Variants in FBN2 observed in about 807,000 individuals in gnomAD.
FBN2 encodes fibrillin 2.
FBN2 carries 105 observed loss-of-function variants against 355.6 expected under a neutral mutation model. The observed-to-expected ratio is 0.30, with a 90% CI of 0.25 to 0.35. FBN2 has a LOEUF of 0.35. FBN2 is among the 10% of genes least tolerant of loss of function. FBN2 has a pLI of 1.00. For synonymous variants in FBN2, 1,350 were observed against 1,301.2 expected (o/e 1.04, Z -0.81); for missense variants, 3,280 against 3,758.7 (o/e 0.87, Z 3.33).
intron 5 of FBN2, among the ~76,000 whole-genome samples, chr5:128,514,287 T>C (rs1173961744): frequency 6.6e-6 from 1 of 152,210 alleles, no homozygotes; most frequent in Non-Finnish European, 1.5e-5. Context: ...TTTCCCACTG[T>C]AGTAAGCTAT....
intron 6 of FBN2, among the ~76,000 whole-genome samples, 176 bp from the exon 7 acceptor site, chr5:128,446,782 G>A (rs1033140284): frequency 6.6e-6 from 1 of 152,110 alleles, no homozygotes. Flanking sequence ...TATGTAAATG[G>A]TATCATGTTA....
intron 4 of FBN2, among the ~76,000 whole-genome samples, chr5:128,526,621 A>C (rs1756569358): frequency 6.6e-6 from 1 of 152,192 alleles, no homozygotes; most frequent in South Asian, 2.1e-4. Flanking sequence ...TAAGTATAAC[A>C]AACCAGTCAC....
In FBN2 at chr5:128,470,675, A is replaced by G. The variant is rs1410487215; in HGVS notation, c.629-5754T>C. On this transcript the variant is annotated intron_variant, in intron 5 of 64. Coordinates refer to ENST00000262464, the MANE Select transcript of FBN2 (RefSeq NM_001999.4). ...GTAAGAAAAGGACTGCTAGATTAAGAAATGAAAGAAAGCAGTGAGATCAAT... is the reference window on the plus strand; with the variant it reads ...GTAAGAAAAGGACTGCTAGATTAAGGAATGAAAGAAAGCAGTGAGATCAAT... Among the ~76,000 whole-genome samples the G allele has an allele frequency of 5.3e-5, 8 of 152,330 alleles. No individual in the cohort carries two copies. In the East Asian group the frequency reaches 1.5e-3, roughly 29 times the overall value.
At chr5:128,323,153 T>C (rs1043734087) in intron 34 of FBN2, among the ~76,000 whole-genome samples, 3 of 152,234 alleles carry the variant, frequency 2.0e-5, no homozygotes, top group East Asian at 3.8e-4. Context: ...TTAGGAGATT[T>C]TGGGCCGAGA....
chr5:128,373,625 T>C (rs1752004755), intron 15 of FBN2, among the ~76,000 whole-genome samples: 1 of 152,210 alleles, frequency 6.6e-6, no homozygotes, highest in African/African-American at 2.4e-5. Context: ...GGGTATACAA[T>C]GGCTAATTCA....
intron 5 of FBN2, among the ~76,000 whole-genome samples, chr5:128,482,578 A>G (rs1244338974): frequency 6.6e-6 from 1 of 152,092 alleles, no homozygotes; most frequent in Non-Finnish European, 1.5e-5. Context: ...TGTGGGTAGG[A>G]GGTGGAGTTT....
chr5:128,460,228 T>A (rs1377961038), intron 6 of FBN2, among the ~76,000 whole-genome samples: 1 of 151,534 alleles, frequency 6.6e-6, no homozygotes, highest in African/African-American at 2.4e-5. Context: ...AAACAGAGAG[T>A]CAAATCGTGA....
At chr5:128,344,278 A>T (rs935136052) in intron 25 of FBN2, 107 bp downstream of exon 25, 1 of 1,175,788 alleles carries the variant, frequency 8.5e-7, no homozygotes, top group East Asian at 2.4e-5. Flanking sequence ...ATAAATAAAA[A>T]TTTTCATGTT....
chr5:128,456,198 T>C (rs925578956), intron 6 of FBN2, among the ~76,000 whole-genome samples: 1 of 151,888 alleles, frequency 6.6e-6, no homozygotes, highest in Non-Finnish European at 1.5e-5. Context: ...GAGTGCCTCT[T>C]CAGGTCTAAC....
intron 48 of FBN2, among the ~76,000 whole-genome samples, chr5:128,298,589 A>T (rs1334252637): frequency 5.9e-5 from 9 of 151,956 alleles, no homozygotes; most frequent in Non-Finnish European, 1.3e-4. Flanking sequence ...CATTCATTTC[A>T]TCTTCCATCG....
rs1214736130 is a variant in FBN2, at chr5:128,287,429, A to G, written c.6759T>C (p.Asp2253=). Reference sequence around the variant, plus strand: ...GTGGGTTCTGGGCACATTCGTTGATATCTGACCAAAGGAATGGACAGGAAT... The same window carrying G: ...GTGGGTTCTGGGCACATTCGTTGATGTCTGACCAAAGGAATGGACAGGAAT... ...FEPGPMMNCE[D]INECAQNPLL... is the part of the protein sequence containing the mutation. The change falls in exon 54 of 65, where the codon GAT becomes GAC. Residue 2253 remains aspartate, a splice_region_variant and synonymous_variant. Transcript: ENST00000262464. The G allele has an allele frequency of 1.2e-6, 2 of 1,613,894 alleles. No homozygotes were observed. Among genetic ancestry groups the G allele is most frequent in the South Asian group, 2.2e-5 (2 of 91,080 alleles).
intron 46 of FBN2, among the ~76,000 whole-genome samples, chr5:128,302,148 A>C (rs1219158973): frequency 6.6e-6 from 1 of 152,214 alleles, no homozygotes; most frequent in African/African-American, 2.4e-5. Flanking sequence ...TTGAAAAATA[A>C]AGAAAACAGA....
intron 31 of FBN2, among the ~76,000 whole-genome samples, chr5:128,333,771 A>C (rs1346841130): frequency 1.3e-5 from 2 of 151,248 alleles, no homozygotes; most frequent in African/African-American, 2.4e-5. Context: ...GGTTCTCCAA[A>C]GCTTTCTTGA....
chr5:128,435,031 A>C (rs1045057328), intron 7 of FBN2, among the ~76,000 whole-genome samples: 1 of 152,200 alleles, frequency 6.6e-6, no homozygotes, highest in Non-Finnish European at 1.5e-5. Flanking sequence ...TAATTTTAAA[A>C]AAAGAATTTA....
At chr5:128,313,680 C>T (rs149297254) in intron 36 of FBN2, among the ~76,000 whole-genome samples, 9 of 151,678 alleles carry the variant, frequency 5.9e-5, no homozygotes, top group African/African-American at 2.2e-4. Flanking sequence ...GGTGAAAACC[C>T]GTCTCTACTA....
intron 34 of FBN2, among the ~76,000 whole-genome samples, chr5:128,325,040 A>G (rs1000554868): frequency 2.6e-5 from 4 of 152,176 alleles, no homozygotes; most frequent in African/African-American, 7.2e-5. Flanking sequence ...CATGTGGTCA[A>G]TTTTAGAATA....
chr5:128,489,547 TG>T (rs1452069891), intron 5 of FBN2, among the ~76,000 whole-genome samples: 9 of 152,324 alleles, frequency 5.9e-5, no homozygotes, highest in Admixed American at 2.6e-4. Context: ...TTTGTAAGTA[TG>T]TCACGAATTC....
At chr5:128,356,647 AG>A (rs2126930515) in intron 20 of FBN2, among the ~76,000 whole-genome samples, 1 of 152,364 alleles carries the variant, frequency 6.6e-6, no homozygotes, top group East Asian at 1.9e-4. Flanking sequence ...TTGCAGTAAC[AG>A]ATCAATCTCC....
At chr5:128,391,688 C>T (rs917132456) in intron 11 of FBN2, among the ~76,000 whole-genome samples, 27 of 152,006 alleles carry the variant, frequency 1.8e-4, no homozygotes, top group African/African-American at 5.3e-4. Flanking sequence ...TCATGCTTGA[C>T]GAATTGTTTT....
Sources: allele counts gnomAD v4.1 joint callset (sites outside exome capture counted in the v4.1 genomes callset), GRCh38; gene constraint gnomAD v4.1.1; transcripts MANE v1.5; gene names NCBI Gene and HGNC (gene_info 2026-07-23, HGNC 2026-07-21).